Variants in CTNNA2 observed in about 807,000 individuals in gnomAD.
CTNNA2 encodes the protein catenin alpha 2.
In CTNNA2, 42 loss-of-function variants were observed where a neutral mutation model predicts 101.0. The ratio of observed to expected loss-of-function variants is 0.42; its 90% CI spans 0.32 to 0.54. The LOEUF (loss-of-function observed/expected upper bound fraction) is 0.54, where lower values mean the gene tolerates loss of function less well. CTNNA2 is among the 20% of genes least tolerant of loss of function. CTNNA2 has a pLI of 0.14. For synonymous variants in CTNNA2, 450 were observed against 456.4 expected (o/e 0.99, Z 0.18); for missense variants, 871 against 1,223.1 (o/e 0.71, Z 4.29).
chr2:80,610,653 T>G (rs1698388512), intron 17 of CTNNA2, among the ~76,000 whole-genome samples: 1 of 151,770 alleles, frequency 6.6e-6, no homozygotes, highest in Non-Finnish European at 1.5e-5. Context: ...ATTTCCATTT[T>G]GCCAAGAAAA....
At chr2:79,936,885 C>T (rs1389949738) in intron 7 of CTNNA2, among the ~76,000 whole-genome samples, 1 of 152,180 alleles carries the variant, frequency 6.6e-6, no homozygotes, top group African/African-American at 2.4e-5. Flanking sequence ...CCTCCCCACA[C>T]TCACCTTTCT....
At chr2:80,286,785 C>A (rs1177785212) in intron 7 of CTNNA2, among the ~76,000 whole-genome samples, 16 of 152,258 alleles carry the variant, frequency 1.1e-4, no homozygotes, top group Non-Finnish European at 1.8e-4. Flanking sequence ...CTTTGCTACA[C>A]CTGTGTTATA....
intron 1 of CTNNA2, among the ~76,000 whole-genome samples, chr2:79,554,288 G>A (rs1000517320): frequency 2.0e-5 from 3 of 151,922 alleles, no homozygotes; most frequent in Non-Finnish European, 4.4e-5. Context: ...TCTACATATT[G>A]AGGTAAATTA....
chr2:80,549,757 G>A (rs948652442), intron 11 of CTNNA2, among the ~76,000 whole-genome samples: 7 of 151,838 alleles, frequency 4.6e-5, no homozygotes, highest in Admixed American at 6.6e-5. Context: ...GTAATTGATC[G>A]CCCCTTCTCA....
At position 79,628,577 on chromosome 2, in the gene CTNNA2, T is replaced by C. The variant is rs763496183; in HGVS notation, c.-5-22975T>C. Among the ~76,000 whole-genome samples, 24 of 152,228 alleles carry C rather than the reference T, an allele frequency of 1.6e-4. 1 individual carries two copies. Among genetic ancestry groups the C allele is most frequent in the Admixed American group, 1.4e-3 (21 of 15,284 alleles). On this transcript the variant is annotated intron_variant, in intron 1 of 18. Transcript: ENST00000402739. ...GTGCTTTTAAAGAATTAATAACATT[T>C]AAATGTGCAGTCCTAACTGAATTAT...
At chr2:80,460,992 A>C (rs1684376503) in intron 9 of CTNNA2, among the ~76,000 whole-genome samples, 1 of 152,222 alleles carries the variant, frequency 6.6e-6, no homozygotes, top group Admixed American at 6.5e-5. Context: ...ATTTGGGAGA[A>C]GACTTTCTAA....
intron 7 of CTNNA2, among the ~76,000 whole-genome samples, chr2:80,272,761 G>A (rs1190245656): frequency 4.6e-5 from 7 of 152,084 alleles, no homozygotes; most frequent in Non-Finnish European, 1.0e-4. Context: ...ACCTACTTAT[G>A]CTAAAAATAA....
intron 2 of CTNNA2, among the ~76,000 whole-genome samples, chr2:79,696,525 C>T (rs74352953): frequency 0.023 from 3,505 of 152,076 alleles, 128 homozygotes; most frequent in African/African-American, 0.079. Flanking sequence ...GCCCAAGAGG[C>T]AGTTTCTCAA....
intron 7 of CTNNA2, among the ~76,000 whole-genome samples, chr2:80,049,564 G>A (rs1338250186): frequency 6.6e-6 from 1 of 152,126 alleles, no homozygotes; most frequent in Non-Finnish European, 1.5e-5. Context: ...CTGTTCATAG[G>A]AACCCAGGAA....
intron 7 of CTNNA2, among the ~76,000 whole-genome samples, chr2:80,010,861 C>T (rs1338325187): frequency 3.9e-5 from 6 of 152,036 alleles, no homozygotes; most frequent in Non-Finnish European, 5.9e-5. Context: ...TTTCCAGAAT[C>T]TTTGCTCTTG....
At chr2:79,675,865 C>G (rs1476132871) in intron 2 of CTNNA2, among the ~76,000 whole-genome samples, 2 of 152,214 alleles carry the variant, frequency 1.3e-5, no homozygotes, top group African/African-American at 2.4e-5. Context: ...AATTTAACTT[C>G]TATTTTAAGC....
At chr2:79,718,859 G>T (rs1286792870) in intron 2 of CTNNA2, among the ~76,000 whole-genome samples, 5 of 149,138 alleles carry the variant, frequency 3.4e-5, no homozygotes, top group Admixed American at 2.0e-4. Context: ...GGTGATTGTT[G>T]TTTGACCTGT....
intron 7 of CTNNA2, among the ~76,000 whole-genome samples, chr2:80,352,554 C>A (rs2149300798): frequency 6.6e-6 from 1 of 152,252 alleles, no homozygotes; most frequent in South Asian, 2.1e-4. Context: ...TAGGACACTT[C>A]ATCAGCAGTA....
intron 3 of CTNNA2, among the ~76,000 whole-genome samples, chr2:79,834,349 A>G (rs1037471006): frequency 2.0e-5 from 3 of 152,064 alleles, no homozygotes; most frequent in Admixed American, 6.6e-5. Flanking sequence ...CCAGTAGTAG[A>G]TATTCTCTGA....
chr2:80,312,127 T>C (rs1677648339), intron 7 of CTNNA2, among the ~76,000 whole-genome samples: 1 of 152,210 alleles, frequency 6.6e-6, no homozygotes, highest in Non-Finnish European at 1.5e-5. Context: ...GAACATAAAT[T>C]TGATTCTCTC....
intron 1 of CTNNA2, among the ~76,000 whole-genome samples, chr2:79,563,189 T>TATATATATATATATATATATATATATATA (rs879673133): frequency 7.4e-5 from 3 of 40,336 alleles, no homozygotes; most frequent in Admixed American, 2.4e-4. Flanking sequence ...ATATATATAT[T>TATATATATATATATATATATATATATATA]TTCCTTCATT....
intron 7 of CTNNA2, among the ~76,000 whole-genome samples, chr2:79,930,294 GAGAAAGAAAGAA>G (rs764326702): frequency 0.15 from 17,924 of 121,736 alleles, 1,432 homozygotes; most frequent in Admixed American, 0.19. Context: ...GAGAGAGAAA[GAGAAAGAAAGAA>G]AGAAAGAAAG....
intron 1 of CTNNA2, among the ~76,000 whole-genome samples, chr2:79,191,230 A>G (rs1259457624): frequency 6.6e-6 from 1 of 152,200 alleles, no homozygotes; most frequent in Non-Finnish European, 1.5e-5. Context: ...ATCAGAACAA[A>G]GTTAGTCTCC....
intron 17 of CTNNA2, among the ~76,000 whole-genome samples, chr2:80,613,580 T>A (rs1009476469): frequency 5.3e-5 from 8 of 151,392 alleles, no homozygotes; most frequent in African/African-American, 1.9e-4. Context: ...TCAGTTACAT[T>A]TTCTGTGATG....
Sources: allele counts gnomAD v4.1 joint callset (sites outside exome capture counted in the v4.1 genomes callset), GRCh38; gene constraint gnomAD v4.1.1; transcripts MANE v1.5; gene names NCBI Gene and HGNC (gene_info 2026-07-23, HGNC 2026-07-21).